THBS4: variants seen among roughly 807,000 people sequenced by gnomAD.
THBS4 encodes thrombospondin 4.
A neutral mutation model predicts 115.7 loss-of-function variants in THBS4; 90 were observed. The ratio of observed to expected loss-of-function variants is 0.78; its 90% CI spans 0.66 to 0.93. The LOEUF (loss-of-function observed/expected upper bound fraction) is 0.93. Ranked by LOEUF, THBS4 falls within the 40% of genes least tolerant of loss-of-function variation. The probability of loss-of-function intolerance (pLI) is 0.00; values close to 1 mark genes in which losing one functional copy is unlikely to be tolerated. For missense variants in THBS4, 1,087 were observed against 1,232.7 expected, an observed-to-expected ratio of 0.88 and a Z score of 1.77; for synonymous variants, 460 against 479.3, an observed-to-expected ratio of 0.96 and a Z score of 0.53.
At chr5:80,022,117 T>C (rs1832390091) in intron 2 of THBS4, among the ~76,000 whole-genome samples, 1 of 152,218 alleles carries the variant, frequency 6.6e-6, no homozygotes, top group African/African-American at 2.4e-5. Context: ...CAACCCATTA[T>C]GCTGATACAA....
intron 2 of THBS4, chr5:80,052,797 A>T (rs1020506169): frequency 3.9e-5 from 6 of 152,240 alleles, no homozygotes; most frequent in African/African-American, 1.4e-4. Context: ...CATGTTCCAC[A>T]ATAGTGATTA....
In THBS4 at chr5:80,078,162, C is replaced by G. The variant is rs993438089; in HGVS notation, c.2200C>G (p.Gln734Glu). ...CACCCTGACCGACTTCAGGGCTTAC[C>G]AGACCGTGGTCCTGGATCCTGAAGG... ...EVTLTDFRAY[Q>E]TVVLDPEGDA... Residue 734 changes from glutamine (Q) to glutamate (E), a missense_variant, in exon 17 of 22, where the codon CAG becomes GAG. By Grantham distance (29) the Gln-to-Glu change is conservative (BLOSUM62 2). Transcript: ENST00000350881. 1 of 1,610,796 alleles carries G rather than the reference C, an allele frequency of 6.2e-7. No individual in the cohort carries two copies. The highest frequency in any genetic ancestry group is 8.5e-7 in the Non-Finnish European group (1 of 1,177,946).
chr5:80,001,784 GC>G (rs1831903433), intron 2 of THBS4, among the ~76,000 whole-genome samples: 1 of 152,118 alleles, frequency 6.6e-6, no homozygotes, highest in South Asian at 2.1e-4. Context: ...ACAGTCAGAG[GC>G]CTATTTACCC....
Position 80,070,401 on chromosome 5 carries a change from C to T in THBS4, c.1443C>T (p.Asn481=). ...PDEELPCSAR[N]CKKDNCKYVP... ...AAGAACTGCCATGCTCTGCCAGGAA[C>T]TGTAAAAAGGTAAGGGGTGTGGGGT... The change falls in exon 11 of 22, where the codon AAC becomes AAT. Residue 481 remains asparagine (N), a synonymous_variant. Transcript: ENST00000350881. 6.2e-7 allele frequency: 1 copy of T among 1,614,038 alleles called. No homozygotes were observed.
upstream of THBS4, among the ~76,000 whole-genome samples, chr5:80,030,894 CT>C (rs1023287133): frequency 4.6e-5 from 7 of 152,256 alleles, no homozygotes; most frequent in Admixed American, 3.9e-4. Context: ...ATAATGGTAA[CT>C]TTTTTATTAT....
chr5:80,068,898 G>A (rs1833935812), intron 10 of THBS4: 1 of 154,276 alleles, frequency 6.5e-6, no homozygotes. Flanking sequence ...AGGATCCAGA[G>A]TCCTCAGCCT....
At chr5:80,012,102 A>G (rs551800074) in intron 2 of THBS4, among the ~76,000 whole-genome samples, 1 of 152,004 alleles carries the variant, frequency 6.6e-6, no homozygotes. Flanking sequence ...ACAAACCTCC[A>G]TGTGTACCCC....
At chr5:80,002,930 A>T (rs557200053) in intron 2 of THBS4, among the ~76,000 whole-genome samples, 6 of 152,048 alleles carry the variant, frequency 3.9e-5, no homozygotes, top group Non-Finnish European at 8.8e-5. Flanking sequence ...TTTGAAAAAA[A>T]AAAAAACAAA....
At chr5:80,080,577 A>ATTTTTTTTTTTTTT (rs1743442985) in intron 20 of THBS4, among the ~76,000 whole-genome samples, 2 of 66,820 alleles carry the variant, frequency 3.0e-5, no homozygotes, top group Non-Finnish European at 6.0e-5. Flanking sequence ...CAGCGCTTGT[A>ATTTTTTTTTTTTTT]TCTTTTTTTT....
At chr5:80,055,735 TC>T in intron 2 of THBS4, 49 bp from the exon 3 acceptor site, 1 of 1,575,382 alleles carries the variant, frequency 6.3e-7, no homozygotes, top group South Asian at 1.2e-5. Flanking sequence ...ACCCTCCACT[TC>T]CCCCTCTGCC....
intron 2 of THBS4, among the ~76,000 whole-genome samples, chr5:80,043,777 C>T (rs2112043337): frequency 6.6e-6 from 1 of 152,318 alleles, no homozygotes; most frequent in African/African-American, 2.4e-5. Context: ...CAGGCCACCT[C>T]ATTACTGTTC....
chr5:80,019,149 C>T (rs759292576), intron 2 of THBS4, among the ~76,000 whole-genome samples: 1 of 151,366 alleles, frequency 6.6e-6, no homozygotes, highest in Non-Finnish European at 1.5e-5. Context: ...GCAACATCAA[C>T]TATGAAGTAT....
chr5:80,071,305 T>C, intron 13 of THBS4, 125 bp downstream of exon 13: 1 of 1,452,776 alleles, frequency 6.9e-7, no homozygotes, highest in Non-Finnish European at 9.0e-7. Context: ...CATTGTGGCC[T>C]GCATCTGGAA....
intron 2 of THBS4, among the ~76,000 whole-genome samples, chr5:80,018,282 T>C (rs926592634): frequency 6.6e-6 from 1 of 152,122 alleles, no homozygotes; most frequent in East Asian, 1.9e-4. Flanking sequence ...TTTAGATTTA[T>C]CTTATACTTC....
chr5:80,076,763 A>C (rs1244752461), intron 15 of THBS4, 92 bp from the exon 16 acceptor site: 2 of 1,306,578 alleles, frequency 1.5e-6, no homozygotes, highest in Non-Finnish European at 2.0e-6. Context: ...TGGTTTAAAA[A>C]AAACCTCAAG....
chr5:80,040,691 T>C (rs1206752403), intron 2 of THBS4, among the ~76,000 whole-genome samples: 2 of 152,236 alleles, frequency 1.3e-5, no homozygotes, highest in Non-Finnish European at 2.9e-5. Flanking sequence ...GTGGTAAGTC[T>C]AAGATCATGG....
intron 2 of THBS4, among the ~76,000 whole-genome samples, chr5:80,012,490 G>A (rs922026224): frequency 1.3e-5 from 2 of 152,128 alleles, no homozygotes; most frequent in African/African-American, 4.8e-5. Flanking sequence ...GGAGTAGGAG[G>A]GGCCATAAAA....
rs530161443 is a variant in THBS4, at chr5:79,995,012, A to G, written n.82-3320A>G. On this transcript the variant is annotated intron_variant and non_coding_transcript_variant, in intron 1 of 3. Coordinates refer to the THBS4 transcript ENST00000510218. ...TAAGGCATTGCATATGGGCTGTGCTATATAAGTGAAGGCATAGAAACAGGA... is the reference window on the plus strand; with the variant it reads ...TAAGGCATTGCATATGGGCTGTGCTGTATAAGTGAAGGCATAGAAACAGGA... Among the ~76,000 whole-genome samples, 3 of 152,306 alleles carry G rather than the reference A, an allele frequency of 2.0e-5. 1 individual carries two copies. Among genetic ancestry groups the G allele is most frequent in the African/African-American group, 4.8e-5 (2 of 41,568 alleles).
rs563536478 is a variant in THBS4, at chr5:79,994,666, C to T, written n.81+3254C>T. ...CAGAAACACAAAAATTATAGCTGGG[C>T]ATGATGGTGTGTGCCTATAGTCTCA... On this transcript the variant is annotated intron_variant and non_coding_transcript_variant, in intron 1 of 3. Coordinates refer to the THBS4 transcript ENST00000510218. 4.6e-5 allele frequency among the ~76,000 whole-genome samples: 7 copies of T among 152,198 alleles called. No homozygotes were observed. The South Asian group carries it at 1.5e-3, about 32-fold the overall frequency.
Sources: gnomAD v4.1 joint callset for allele counts (sites outside exome capture counted in the v4.1 genomes callset) on GRCh38, gnomAD v4.1.1 for gene constraint, MANE v1.5 for transcripts, NCBI Gene and HGNC (gene_info 2026-07-23, HGNC 2026-07-21) for gene names.